Variants in PTPN5 observed in about 807,000 individuals in gnomAD.
PTPN5 encodes the protein protein tyrosine phosphatase non-receptor type 5, also known as tyrosine-protein phosphatase non-receptor type 5.
Under a neutral mutation model 73.9 loss-of-function variants are expected in PTPN5, and 29 were observed. That is an observed-to-expected ratio of 0.39 (90% CI 0.29 to 0.54). PTPN5 has a LOEUF of 0.54. Among genes scored for constraint, PTPN5 ranks in the 20% least tolerant of loss-of-function variants. The probability of loss-of-function intolerance (pLI) is 0.65; values close to 1 mark genes in which losing one functional copy is unlikely to be tolerated. For synonymous variants in PTPN5, 267 were observed against 304.7 expected (o/e 0.88, Z 1.29); for missense variants, 652 against 751.4 (o/e 0.87, Z 1.55).
At position 18,737,984 on chromosome 11, in the gene PTPN5, G is replaced by C. The variant is rs147182270; in HGVS notation, c.916-20C>G. 1,095 of 1,603,768 alleles carry C rather than the reference G, an allele frequency of 6.8e-4. 20 individuals are homozygous for C. The East Asian group carries it at 0.017, about 25-fold the overall frequency. ...GATTTCCTGTGGAAGGAGGACACGG[G>C]GTGTGAGCAGCTATGGGCCCTCACA... On this transcript the variant is annotated intron_variant, in intron 8 of 14. Coordinates refer to ENST00000358540, the MANE Select transcript of PTPN5 (RefSeq NM_006906.2).
chr11:18,729,887 T>C lies in PTPN5; in HGVS notation c.1330-69A>G. 7 of 1,591,610 alleles carry C rather than the reference T, an allele frequency of 4.4e-6. No homozygotes were observed. The Middle Eastern group carries it at 6.6e-4, about 151-fold the overall frequency. On this transcript the variant is annotated intron_variant, in intron 12 of 14. Coordinates refer to ENST00000358540, the MANE Select transcript of PTPN5 (RefSeq NM_006906.2). The surrounding 1 kb of genome is among the most constrained non-coding windows in gnomAD (Gnocchi z 5.2). ...TTCAGCTCACAAACCAGCCCAGAGATAGAGATGAGATGGAAGGAGGAAGAA... is the reference window on the plus strand; with the variant it reads ...TTCAGCTCACAAACCAGCCCAGAGACAGAGATGAGATGGAAGGAGGAAGAA...
At chr11:18,770,884 G>A (rs887295051) in intron 2 of PTPN5, among the ~76,000 whole-genome samples, 1 of 152,206 alleles carries the variant, frequency 6.6e-6, no homozygotes, top group African/African-American at 2.4e-5. Flanking sequence ...AGCTGCTGCC[G>A]TGGGCTGGGT....
rs981827450 is a variant in PTPN5 at position 18,759,558 on chromosome 11, C to T, written c.97+6249G>A. ...ACTTCTTTTCTCAACACAATGGCAT[C>T]GTTACAGAATACTGCCCAGTTAGTG... is the stretch of plus-strand genomic sequence containing the variant. On this transcript the variant is annotated intron_variant, in intron 3 of 14. Coordinates refer to ENST00000358540, the MANE Select transcript of PTPN5 (RefSeq NM_006906.2). Among the ~76,000 whole-genome samples, 34 of 152,200 alleles carry T rather than the reference C, an allele frequency of 2.2e-4. 1 individual carries two copies. The highest frequency in any genetic ancestry group is 3.8e-4 in the Non-Finnish European group (26 of 68,032).
At chr11:18,746,906 C>T (rs771811240) in intron 3 of PTPN5, among the ~76,000 whole-genome samples, 3 of 152,208 alleles carry the variant, frequency 2.0e-5, no homozygotes, top group Non-Finnish European at 4.4e-5. Context: ...ACACAGTTGA[C>T]AGGTGATGCC....
chr11:18,789,177 G>A (rs1851802092), intron 1 of PTPN5, among the ~76,000 whole-genome samples: 1 of 152,148 alleles, frequency 6.6e-6, no homozygotes, highest in Non-Finnish European at 1.5e-5. Context: ...GAGTCCTAGT[G>A]GAATTACTAG....
In PTPN5 at chr11:18,772,191, C is replaced by T. The variant is rs1354428754; in HGVS notation, c.-113-120G>A. Reference sequence around the variant, plus strand: ...TTCTGGGAGTCACCTTTCTCCTCCCCTGGTGCCCTGCTTGCCTCTTGCTAC... The same window carrying T: ...TTCTGGGAGTCACCTTTCTCCTCCCTTGGTGCCCTGCTTGCCTCTTGCTAC... On this transcript the variant is annotated intron_variant, in intron 1 of 14. Transcript: ENST00000358540. 5.7e-6 allele frequency: 3 copies of T among 528,862 alleles called. No homozygotes were observed. The Admixed American group carries it at 1.3e-4, about 22-fold the overall frequency. 32.8% of individuals were successfully genotyped at this position (528,862 alleles called of 1,614,324 possible). A position where few individuals can be genotyped will look rare whatever the true frequency, so the allele number is the denominator to read the frequency against.
At chr11:18,788,261 G>A (rs1564938040) in intron 1 of PTPN5, among the ~76,000 whole-genome samples, 1 of 152,092 alleles carries the variant, frequency 6.6e-6, no homozygotes, top group Non-Finnish European at 1.5e-5. Context: ...CTGGCCAGCA[G>A]GCTCTCCACA....
At chr11:18,751,018 T>C (rs982822963) in intron 3 of PTPN5, among the ~76,000 whole-genome samples, 41 of 152,156 alleles carry the variant, frequency 2.7e-4, no homozygotes, top group African/African-American at 9.9e-4. Context: ...GAGGTACTGC[T>C]AGAGGAACTG....
At chr11:18,781,144 C>T (rs1207247618) in intron 1 of PTPN5, among the ~76,000 whole-genome samples, 1 of 152,010 alleles carries the variant, frequency 6.6e-6, no homozygotes, top group East Asian at 1.9e-4. Context: ...TTTGCCGCAC[C>T]CCCCCGGCCC....
chr11:18,765,873 C>G lies in PTPN5; in HGVS notation c.31G>C (p.Glu11Gln), dbSNP rs202060099. Residue 11 changes from glutamate (E) to glutamine (Q), a missense_variant, in exon 3 of 15, where the codon GAG becomes CAG. Glu to Gln is a conservative substitution (Grantham distance 29). This residue lies in a region of PTPN5 where 529 missense variants were observed against 573.9 expected (regional missense o/e 0.92). Transcript: ENST00000358540. The stretch of plus-strand genomic sequence containing the variant: ...TCGGAGTCATCAGCAGCGTGGTTCT[C>G]TCTCTCACTCCTGCAGCAGGATGGA... MNYEGARSER[E>Q]NHAADDSEGG... 2 of 1,577,352 alleles carry G rather than the reference C, an allele frequency of 1.3e-6. No homozygotes were observed. Among genetic ancestry groups the G allele is most frequent in the East Asian group, 4.6e-5 (2 of 43,374 alleles).
chr11:18,731,689 T>G (rs979065866), intron 12 of PTPN5, among the ~76,000 whole-genome samples: 3 of 152,142 alleles, frequency 2.0e-5, no homozygotes, highest in Non-Finnish European at 4.4e-5. Context: ...GAGCTGCTTG[T>G]GGGGGCACTG....
chr11:18,790,312 T>C lies in PTPN5; in HGVS notation c.-114+1213A>G, dbSNP rs74663815. 1.3e-3 allele frequency among the ~76,000 whole-genome samples: 194 copies of C among 152,078 alleles called. 6 individuals are homozygous for C. In the East Asian group the frequency reaches 0.033, roughly 26 times the overall value. On this transcript the variant is annotated intron_variant, in intron 1 of 14. Coordinates refer to ENST00000358540, the MANE Select transcript of PTPN5 (RefSeq NM_006906.2). ...CAAAGGGATGACTACAGGGGCCTGG[T>C]TGGAGTAGAAGATCTGGCCCTCAAG...
rs559298808 is a variant in PTPN5, at chr11:18,769,355, A to G, written c.20+2584T>C. On this transcript the variant is annotated intron_variant, in intron 2 of 14. Transcript: ENST00000358540. Reference sequence around the variant, plus strand: ...CATTTGTGGGAGGGGCAAGGGGAAGAGGAAGTCTTCTCCAAGGGGGAGACA... The same window carrying G: ...CATTTGTGGGAGGGGCAAGGGGAAGGGGAAGTCTTCTCCAAGGGGGAGACA... 2.6e-5 allele frequency among the ~76,000 whole-genome samples: 4 copies of G among 152,258 alleles called. No homozygotes were observed. In the South Asian group the frequency reaches 8.3e-4, roughly 32 times the overall value.
chr11:18,769,091 T>C (rs907665634), intron 2 of PTPN5, among the ~76,000 whole-genome samples: 4 of 152,218 alleles, frequency 2.6e-5, no homozygotes, highest in African/African-American at 7.2e-5. Flanking sequence ...ACTTCACTGA[T>C]GGAGGATGTC....
At chr11:18,776,534 T>C (rs1851165234) in intron 1 of PTPN5, among the ~76,000 whole-genome samples, 1 of 152,158 alleles carries the variant, frequency 6.6e-6, no homozygotes, top group Middle Eastern at 3.2e-3. Context: ...AGGCTTATTG[T>C]GTGCTGGATG....
At chr11:18,731,241 T>TATAC (rs1465492718) in intron 12 of PTPN5, among the ~76,000 whole-genome samples, 6 of 149,324 alleles carry the variant, frequency 4.0e-5, no homozygotes, top group African/African-American at 1.5e-4. Flanking sequence ...GTATATCATA[T>TATAC]ATACATACAT....
chr11:18,764,265 G>A (rs1850531484), intron 3 of PTPN5, among the ~76,000 whole-genome samples: 1 of 152,202 alleles, frequency 6.6e-6, no homozygotes, highest in African/African-American at 2.4e-5. Flanking sequence ...CCAAAGGCCT[G>A]TTTTTAATTT....
At chr11:18,789,414 G>T (rs1346489687) in intron 1 of PTPN5, among the ~76,000 whole-genome samples, 1 of 152,124 alleles carries the variant, frequency 6.6e-6, no homozygotes, top group South Asian at 2.1e-4. Context: ...TACTGACACC[G>T]TACAGCCAGT....
intron 3 of PTPN5, among the ~76,000 whole-genome samples, chr11:18,762,081 G>C (rs78225359): frequency 4.6e-5 from 7 of 152,180 alleles, no homozygotes; most frequent in African/African-American, 7.2e-5. Flanking sequence ...TGGGGCATTG[G>C]GGGGAGCTCC....
Sources: gnomAD v4.1 joint callset for allele counts (sites outside exome capture counted in the v4.1 genomes callset) on GRCh38, gnomAD v4.1.1 for gene constraint, gnomAD v4.1.1 regional missense constraint, Gnocchi (gnomAD v3.1) non-coding constraint, MANE v1.5 for transcripts, NCBI Gene and HGNC (gene_info 2026-07-23, HGNC 2026-07-21) for gene names.